ASMT: variants seen among roughly 807,000 people sequenced by gnomAD.
The protein encoded by ASMT is acetylserotonin N-methyltransferase.
Under a neutral mutation model 41.3 loss-of-function variants are expected in ASMT, and 53 were observed. That is an observed-to-expected ratio of 1.28 (90% CI 1.03 to 1.61). ASMT has a LOEUF of 1.61. Ranked by LOEUF, ASMT falls within the 40% of genes most tolerant of loss-of-function variation. ASMT has a pLI of 0.00. For missense variants in ASMT, 531 were observed against 441.3 expected (o/e 1.20, Z -1.82); for synonymous variants, 231 against 184.8 (o/e 1.25, Z -2.03).
Position 1,623,232 on chromosome X carries a change from G to A in ASMT, c.163G>A (p.Ala55Thr). ...GGCGGCAGTGGCTGCAGGTGTGAGG[G>A]CCAGCGCCCATGGGACAGAGCTCCT... ...DVAAVAAGVR[A>T]SAHGTELLLD... The change falls in exon 2 of 9, where the codon GCC (alanine) becomes ACC (threonine). Residue 55 changes from alanine to threonine, a missense_variant. Ala to Thr is a moderately conservative substitution (Grantham distance 58). Coordinates refer to ENST00000381241, the MANE Select transcript of ASMT (RefSeq NM_001171038.2). 6.2e-7 allele frequency: 1 copy of A among 1,613,760 alleles called. No individual in the cohort carries two copies. The highest frequency in any genetic ancestry group is 8.5e-7 in the Non-Finnish European group (1 of 1,179,866).
At chrX:1,636,584 A>G in intron 8 of ASMT, 24 bp downstream of exon 8, 1 of 1,613,876 alleles carries the variant, frequency 6.2e-7, no homozygotes, top group African/African-American at 1.3e-5. Context: ...TTTGCATTTC[A>G]GCGTGTGCTT....
chrX:1,633,124 G>A lies in ASMT; in HGVS notation c.647-26G>A, dbSNP rs4521942. Reference sequence around the variant, plus strand: ...ATGTCTCTCAGGTTCATCTCTGAGGGTCAAACGGGCTGTGTCCCCTTCCAG... The same window carrying A: ...ATGTCTCTCAGGTTCATCTCTGAGGATCAAACGGGCTGTGTCCCCTTCCAG... On this transcript the variant is annotated intron_variant, in intron 6 of 8. Coordinates refer to ENST00000381241, the MANE Select transcript of ASMT (RefSeq NM_001171038.2). 220 of 1,613,766 alleles carry A rather than the reference G, an allele frequency of 1.4e-4. 1 individual carries two copies. In the African/African-American group the frequency reaches 2.4e-3, roughly 18 times the overall value.
intron 7 of ASMT, 36 bp from the exon 8 acceptor site, chrX:1,636,402 G>T: frequency 1.9e-6 from 3 of 1,613,916 alleles, no homozygotes; most frequent in Admixed American, 1.7e-5. Flanking sequence ...GGATTGGATT[G>T]CAGGCTGACC....
In ASMT at chrX:1,620,683, G is replaced by A. The variant is rs1358333586; in HGVS notation, c.70-2456G>A. On this transcript the variant is annotated intron_variant, in intron 1 of 8. Coordinates refer to ENST00000381241, the MANE Select transcript of ASMT (RefSeq NM_001171038.2). ...TGGGAGACCGAGGCAGGCAGATCAC[G>A]AGGTCAGGAGATCGAGACCATGGTG... 4.6e-5 allele frequency among the ~76,000 whole-genome samples: 7 copies of A among 151,914 alleles called. No individual in the cohort carries two copies. The East Asian group carries it at 9.7e-4, about 21-fold the overall frequency.
At chrX:1,632,396 C>A (rs1450916673) in intron 5 of ASMT, among the ~76,000 whole-genome samples, 49 of 152,004 alleles carry the variant, frequency 3.2e-4, no homozygotes, top group African/African-American at 1.1e-3. Context: ...TCACGCCTGT[C>A]ATCCCAGCAC....
intron 4 of ASMT, 71 bp downstream of exon 4, chrX:1,627,842 C>A: frequency 6.9e-7 from 1 of 1,441,872 alleles, no homozygotes; most frequent in Non-Finnish European, 9.8e-7. Context: ...TTAGGAAACC[C>A]AATCCATTTA....
intron 5 of ASMT, among the ~76,000 whole-genome samples, chrX:1,631,165 C>T (rs1488026851): frequency 7.9e-5 from 12 of 151,560 alleles, no homozygotes; most frequent in Non-Finnish European, 1.2e-4. Context: ...CCACCCGCCT[C>T]CGCCTCCCAA....
At chrX:1,637,021 C>T (rs1432207166) in intron 8 of ASMT, among the ~76,000 whole-genome samples, 7 of 51,822 alleles carry the variant, frequency 1.4e-4, no homozygotes, top group East Asian at 2.2e-3. Flanking sequence ...AGTGTCCCAG[C>T]TCTCCTGTGA....
At chrX:1,627,235 A>G (rs1301867077) in intron 3 of ASMT, among the ~76,000 whole-genome samples, 1 of 150,898 alleles carries the variant, frequency 6.6e-6, no homozygotes, top group African/African-American at 2.4e-5. Context: ...CTGAGGTAGG[A>G]AAATCGCTTG....
At chrX:1,615,455 G>A (rs1306358800) in intron 1 of ASMT, among the ~76,000 whole-genome samples, 187 bp downstream of exon 1, 1 of 151,946 alleles carries the variant, frequency 6.6e-6, no homozygotes, top group Non-Finnish European at 1.5e-5. Flanking sequence ...GGGTGGTCTG[G>A]GGACAGCTTG....
intron 5 of ASMT, 25 bp downstream of exon 5, chrX:1,629,964 C>T: frequency 6.4e-7 from 1 of 1,564,170 alleles, no homozygotes; most frequent in Non-Finnish European, 8.8e-7. Context: ...CCACTAATAC[C>T]TCGGAGGTGT....
In ASMT at chrX:1,629,896, C is replaced by T. The variant is rs773168368; in HGVS notation, c.519C>T (p.Thr173=). Residue 173 remains threonine (T), a synonymous_variant, in exon 5 of 9, where the codon ACC becomes ACT. Coordinates refer to ENST00000381241, the MANE Select transcript of ASMT (RefSeq NM_001171038.2). ...VWSVNGRSVL[T]AFDLSVFPLM... The stretch of plus-strand genomic sequence containing the variant: ...GCGTCAACGGGAGAAGCGTGCTGAC[C>T]GCCTTTGACCTGTCAGTGTTCCCAC... The T allele has an allele frequency of 2.1e-5, 34 of 1,613,832 alleles. No homozygotes were observed. The highest frequency in any genetic ancestry group is 1.8e-4 in the Admixed American group (11 of 59,984).
At chrX:1,629,981 T>C in intron 5 of ASMT, 42 bp downstream of exon 5, 1 of 1,470,300 alleles carries the variant, frequency 6.8e-7, no homozygotes, top group Non-Finnish European at 9.5e-7. Flanking sequence ...GTGTGGCTTC[T>C]GTTCTGTATG....
chrX:1,628,553 C>T (rs1229055651), intron 4 of ASMT, among the ~76,000 whole-genome samples: 3 of 152,022 alleles, frequency 2.0e-5, no homozygotes, highest in Admixed American at 6.6e-5. Flanking sequence ...AAGGGGATGC[C>T]TGAGTGGTTC....
chrX:1,616,173 C>A (rs192348264), intron 1 of ASMT, among the ~76,000 whole-genome samples: 1 of 144,016 alleles, frequency 6.9e-6, no homozygotes, highest in African/African-American at 2.7e-5. Context: ...GGATTACAGG[C>A]ACCCACCACC....
intron 1 of ASMT, 39 bp from the exon 2 acceptor site, chrX:1,623,100 G>A (rs768272531): frequency 1.9e-6 from 3 of 1,611,246 alleles, no homozygotes; most frequent in Non-Finnish European, 2.5e-6. Flanking sequence ...GTTCCCAGGA[G>A]GCTGAGCCCT....
At chrX:1,627,921 C>T in intron 4 of ASMT, 150 bp downstream of exon 4, 2 of 793,534 alleles carry the variant, frequency 2.5e-6, no homozygotes, top group South Asian at 1.5e-5. Flanking sequence ...CCCACTACTA[C>T]CCCAGATTTT....
chrX:1,634,620 G>C (rs1409199211), intron 7 of ASMT, among the ~76,000 whole-genome samples: 2 of 151,936 alleles, frequency 1.3e-5, no homozygotes, highest in South Asian at 2.1e-4. Flanking sequence ...TTTAGAATGT[G>C]GAGGGTTTGG....
At chrX:1,632,035 G>A (rs1934796966) in intron 5 of ASMT, among the ~76,000 whole-genome samples, 1 of 151,888 alleles carries the variant, frequency 6.6e-6, no homozygotes, top group Non-Finnish European at 1.5e-5. Context: ...GTGACAGAGT[G>A]AGACTCCATC....
Sources: allele counts gnomAD v4.1 joint callset (sites outside exome capture counted in the v4.1 genomes callset), GRCh38; gene constraint gnomAD v4.1.1; transcripts MANE v1.5; gene names NCBI Gene and HGNC (gene_info 2026-07-23, HGNC 2026-07-21).